The following ASTN2 variants were observed in gnomAD, a reference collection of about 807,000 sequenced individuals.
The protein encoded by ASTN2 is astrotactin-2.
Under a neutral mutation model 139.8 loss-of-function variants are expected in ASTN2, and 54 were observed. The observed-to-expected ratio is 0.39, with a 90% CI of 0.31 to 0.48. The LOEUF is 0.48. Among genes scored for constraint, ASTN2 ranks in the 20% least tolerant of loss-of-function variants. The probability of loss-of-function intolerance (pLI) is 0.95; values close to 1 mark genes in which losing one functional copy is unlikely to be tolerated. For missense variants in ASTN2, 1,565 were observed against 1,725.1 expected, an observed-to-expected ratio of 0.91 and a Z score of 1.64; for synonymous variants, 756 against 719.5, an observed-to-expected ratio of 1.05 and a Z score of -0.81.
At chr9:116,680,719 T>C (rs1455891711) in intron 16 of ASTN2, among the ~76,000 whole-genome samples, 1 of 152,186 alleles carries the variant, frequency 6.6e-6, no homozygotes, top group African/African-American at 2.4e-5. Context: ...GCTGGTTCAA[T>C]ATATGCAAAT....
intron 3 of ASTN2, among the ~76,000 whole-genome samples, chr9:117,167,928 T>C (rs1268084401): frequency 6.6e-6 from 1 of 152,120 alleles, no homozygotes; most frequent in Non-Finnish European, 1.5e-5. Flanking sequence ...ATGGAGGTGA[T>C]AAGAACTGAT....
intron 1 of ASTN2, among the ~76,000 whole-genome samples, chr9:117,393,580 G>A (rs974763263): frequency 3.9e-5 from 6 of 152,152 alleles, no homozygotes; most frequent in Non-Finnish European, 8.8e-5. Context: ...TCACTCACAC[G>A]GGACAGTTTT....
chr9:117,225,654 G>A (rs1342720057), intron 2 of ASTN2, among the ~76,000 whole-genome samples: 4 of 147,966 alleles, frequency 2.7e-5, no homozygotes, highest in African/African-American at 5.0e-5. Context: ...GGTCATACCT[G>A]GAAGCAGGCA....
intron 13 of ASTN2, among the ~76,000 whole-genome samples, chr9:116,777,366 T>G (rs1046186258): frequency 6.6e-6 from 1 of 152,182 alleles, no homozygotes; most frequent in Non-Finnish European, 1.5e-5. Context: ...GCTCCATTAT[T>G]CACGGTCCTC....
intron 11 of ASTN2, among the ~76,000 whole-genome samples, chr9:116,822,192 A>G (rs990489467): frequency 6.6e-4 from 27 of 41,220 alleles, no homozygotes; most frequent in Non-Finnish European, 9.8e-4. Context: ...AACCACAATA[A>G]CAAAAAAAAA....
intron 20 of ASTN2, among the ~76,000 whole-genome samples, chr9:116,463,140 C>A (rs1848543643): frequency 6.6e-6 from 1 of 152,124 alleles, no homozygotes; most frequent in South Asian, 2.1e-4. Flanking sequence ...AATGTACCCG[C>A]CTTTTTCTCC....
At chr9:117,011,980 G>T (rs1837549893) in intron 6 of ASTN2, among the ~76,000 whole-genome samples, 2 of 152,110 alleles carry the variant, frequency 1.3e-5, no homozygotes, top group African/African-American at 2.4e-5. Context: ...GAGGGCTTTT[G>T]CTTTCTCTCA....
At chr9:117,195,644 T>C (rs1032626612) in intron 3 of ASTN2, among the ~76,000 whole-genome samples, 1 of 152,098 alleles carries the variant, frequency 6.6e-6, no homozygotes, top group Non-Finnish European at 1.5e-5. Context: ...GTGAAGAAGC[T>C]TGAACACCAA....
In ASTN2 at chr9:116,824,094, TGTGTATTAACTTTGGATCTGA is replaced by T. The variant is rs1432633989; in HGVS notation, c.2041-3332_2041-3312del. ...TGCTAGAAATGACATTTAGTGTATCTGTGTATTAACTTTGGATCTGAATCCACACTACTTCTTATAAGTTGT... is the reference window on the plus strand; with the variant it reads ...TGCTAGAAATGACATTTAGTGTATCTATCCACACTACTTCTTATAAGTTGT... On this transcript the variant is annotated intron_variant, in intron 11 of 22. Coordinates refer to ENST00000313400, the MANE Select transcript of ASTN2 (RefSeq NM_001365068.1). Among the ~76,000 whole-genome samples the T allele has an allele frequency of 7.2e-5, 11 of 152,340 alleles. No homozygotes were observed. The South Asian group carries it at 1.5e-3, about 20-fold the overall frequency.
intron 7 of ASTN2, among the ~76,000 whole-genome samples, chr9:117,004,484 G>A (rs190387095): frequency 2.4e-4 from 36 of 152,212 alleles, no homozygotes; most frequent in Non-Finnish European, 4.6e-4. Context: ...CAATTAGAGG[G>A]AATGGCGGTT....
At chr9:116,451,972 C>T (rs1848190136) in intron 20 of ASTN2, among the ~76,000 whole-genome samples, 1 of 152,006 alleles carries the variant, frequency 6.6e-6, no homozygotes, top group Admixed American at 6.6e-5. Flanking sequence ...CTGTCCCTTC[C>T]TCTCCCCATC....
chr9:116,966,258 A>T (rs1254347137), intron 10 of ASTN2, among the ~76,000 whole-genome samples: 2 of 152,224 alleles, frequency 1.3e-5, no homozygotes, highest in Admixed American at 1.3e-4. Context: ...TATTACATTT[A>T]TTAAAGTTTT....
At chr9:116,561,001 A>C (rs923509806) in intron 19 of ASTN2, among the ~76,000 whole-genome samples, 1 of 150,198 alleles carries the variant, frequency 6.7e-6, no homozygotes, top group Non-Finnish European at 1.5e-5. Flanking sequence ...AGACATAGAG[A>C]TATCTAGATG....
intron 2 of ASTN2, among the ~76,000 whole-genome samples, chr9:117,290,739 C>G (rs1318306140): frequency 6.6e-6 from 1 of 152,160 alleles, no homozygotes; most frequent in Admixed American, 6.5e-5. Context: ...TTCCATCATT[C>G]GCTGGCTATG....
chr9:116,664,641 GA>G (rs563966212), intron 16 of ASTN2, among the ~76,000 whole-genome samples: 154 of 125,588 alleles, frequency 1.2e-3, no homozygotes, highest in South Asian at 3.3e-3. Flanking sequence ...AAGCACAAAA[GA>G]AAAAAAAAAA....
chr9:116,728,770 GC>G (rs1337182212), intron 15 of ASTN2, among the ~76,000 whole-genome samples: 3 of 152,012 alleles, frequency 2.0e-5, no homozygotes, highest in African/African-American at 7.2e-5. Flanking sequence ...AGAATGATTA[GC>G]TCCATCTTCT....
intron 2 of ASTN2, among the ~76,000 whole-genome samples, chr9:117,282,133 T>C (rs1208419517): frequency 6.6e-6 from 1 of 152,182 alleles, no homozygotes; most frequent in East Asian, 1.9e-4. Flanking sequence ...TCTCCTTTAT[T>C]TTTCTATGTC....
chr9:116,491,786 C>T (rs1849524967), intron 19 of ASTN2, among the ~76,000 whole-genome samples: 1 of 152,084 alleles, frequency 6.6e-6, no homozygotes, highest in African/African-American at 2.4e-5. Context: ...ATTTTAGTTC[C>T]ACAATATAAC....
At chr9:116,803,518 A>T (rs1243962192) in intron 13 of ASTN2, among the ~76,000 whole-genome samples, 5 of 5,086 alleles carry the variant, frequency 9.8e-4, no homozygotes, top group Non-Finnish European at 9.6e-4. Flanking sequence ...ATATATATAT[A>T]TATATTTTTT....
Sources: gnomAD v4.1 joint callset for allele counts (sites outside exome capture counted in the v4.1 genomes callset) on GRCh38, gnomAD v4.1.1 for gene constraint, MANE v1.5 for transcripts, NCBI Gene and HGNC (gene_info 2026-07-23, HGNC 2026-07-21) for gene names.